The following TRHDE variants were observed in gnomAD, a reference collection of about 807,000 sequenced individuals.
TRHDE encodes thyrotropin releasing hormone degrading enzyme.
TRHDE carries 72 observed loss-of-function variants against 125.7 expected under a neutral mutation model. The ratio of observed to expected loss-of-function variants is 0.57; its 90% CI spans 0.47 to 0.70. The LOEUF (loss-of-function observed/expected upper bound fraction) is 0.70, where lower values mean the gene tolerates loss of function less well. TRHDE is among the 30% of genes least tolerant of loss of function. The probability of loss-of-function intolerance (pLI) is 0.00; values close to 1 mark genes in which losing one functional copy is unlikely to be tolerated. For synonymous variants in TRHDE, 509 were observed against 509.1 expected (o/e 1.00, Z 0.00); for missense variants, 1,110 against 1,327.1 (o/e 0.84, Z 2.54).
intron 5 of TRHDE, among the ~76,000 whole-genome samples, chr12:72,492,175 T>C (rs1391101875): frequency 6.6e-6 from 1 of 151,986 alleles, no homozygotes; most frequent in Non-Finnish European, 1.5e-5. Context: ...TTTTGAAATG[T>C]TAATTTTTAA....
chr12:72,155,842 G>T (rs144367617), intron 2 of TRHDE, among the ~76,000 whole-genome samples: 274 of 152,320 alleles, frequency 1.8e-3, no homozygotes, highest in African/African-American at 6.0e-3. Context: ...TGGGGTCAGG[G>T]ACCCACTTGA....
intron 2 of TRHDE, among the ~76,000 whole-genome samples, chr12:72,339,647 A>T (rs1310547427): frequency 6.6e-6 from 1 of 152,096 alleles, no homozygotes; most frequent in East Asian, 1.9e-4. Context: ...AGACATAATT[A>T]TTTATTGGTT....
At chr12:72,217,478 C>A (rs772488910) in intron 2 of TRHDE, among the ~76,000 whole-genome samples, 1 of 152,098 alleles carries the variant, frequency 6.6e-6, no homozygotes, top group African/African-American at 2.4e-5. Context: ...TCTGACAGCA[C>A]GTGAGAGTTC....
At chr12:72,380,873 C>T (rs1475648403) in intron 3 of TRHDE, among the ~76,000 whole-genome samples, 1 of 146,826 alleles carries the variant, frequency 6.8e-6, no homozygotes, top group African/African-American at 2.5e-5. Flanking sequence ...CTCTCTCTCT[C>T]TCTTCTTTCT....
chr12:72,448,381 A>G (rs766801430), intron 3 of TRHDE, among the ~76,000 whole-genome samples: 1 of 152,136 alleles, frequency 6.6e-6, no homozygotes. Flanking sequence ...AAACAAAACC[A>G]CTATAAATTC....
At chr12:72,539,277 C>T (rs1208078999) in intron 6 of TRHDE, among the ~76,000 whole-genome samples, 1 of 151,888 alleles carries the variant, frequency 6.6e-6, no homozygotes, top group African/African-American at 2.4e-5. Context: ...AAGACAGAGA[C>T]TTGTGTCATT....
Position 72,665,576 on chromosome 12 carries a change from A to G in TRHDE, c.*2381A>G, listed in dbSNP as rs1407477594. ...AAATAAGTAATATTTTCAAAAGAAT[A>G]AAATAACCAATGATATCTCTTGGAA... On this transcript the variant is annotated 3_prime_UTR_variant, in exon 19 of 19. Coordinates refer to ENST00000261180, the MANE Select transcript of TRHDE (RefSeq NM_013381.3). 6.6e-6 allele frequency: 1 copy of G among 152,248 alleles called. No homozygotes were observed. The highest frequency in any genetic ancestry group is 1.9e-4 in the East Asian group (1 of 5,186). The allele number at this position is 152,248 out of a possible 1,614,324, so 9.4% of individuals were successfully genotyped here.
chr12:72,438,117 T>C (rs1447042677), intron 3 of TRHDE, among the ~76,000 whole-genome samples: 1 of 151,902 alleles, frequency 6.6e-6, no homozygotes, highest in African/African-American at 2.4e-5. Flanking sequence ...TTTTCTTCTT[T>C]TATACGGCCG....
intron 2 of TRHDE, among the ~76,000 whole-genome samples, chr12:72,241,384 T>C (rs997086955): frequency 2.6e-5 from 4 of 152,222 alleles, no homozygotes; most frequent in African/African-American, 9.6e-5. Context: ...GTGGGTGTCA[T>C]GTAAATGGAA....
At chr12:72,468,736 G>C (rs1876503201) in intron 3 of TRHDE, among the ~76,000 whole-genome samples, 1 of 152,214 alleles carries the variant, frequency 6.6e-6, no homozygotes, top group South Asian at 2.1e-4. Context: ...GGCTTTGGAA[G>C]GATCTGCCAG....
chr12:72,312,398 A>G (rs536697795), intron 2 of TRHDE, among the ~76,000 whole-genome samples: 344 of 152,346 alleles, frequency 2.3e-3, no homozygotes, highest in Middle Eastern at 6.8e-3. Context: ...ACAACTTATA[A>G]TAAATATGAT....
At chr12:72,594,324 G>A (rs1871827324) in intron 12 of TRHDE, among the ~76,000 whole-genome samples, 1 of 151,882 alleles carries the variant, frequency 6.6e-6, no homozygotes, top group Non-Finnish European at 1.5e-5. Flanking sequence ...TTTGAGAAGT[G>A]TCTTCATATC....
At chr12:72,233,828 C>A (rs975386609) in intron 2 of TRHDE, among the ~76,000 whole-genome samples, 5 of 152,108 alleles carry the variant, frequency 3.3e-5, no homozygotes, top group Non-Finnish European at 1.5e-5. Flanking sequence ...CAAGATTCCA[C>A]TTTTTTCCCA....
intron 2 of TRHDE, among the ~76,000 whole-genome samples, chr12:72,325,814 G>T (rs1051093771): frequency 2.0e-5 from 3 of 151,822 alleles, no homozygotes; most frequent in African/African-American, 4.8e-5. Flanking sequence ...TAGGTTTGGG[G>T]TTTTTTTTGC....
chr12:72,135,460 A>G (rs1875962864), intron 2 of TRHDE, among the ~76,000 whole-genome samples: 1 of 152,192 alleles, frequency 6.6e-6, no homozygotes, highest in Non-Finnish European at 1.5e-5. Context: ...ACATGGGACA[A>G]AGCTCAGCAG....
At chr12:72,545,038 T>C (rs1264230109) in intron 7 of TRHDE, among the ~76,000 whole-genome samples, 1 of 151,538 alleles carries the variant, frequency 6.6e-6, no homozygotes, top group Admixed American at 6.6e-5. Context: ...AGGAGAACAA[T>C]TTCTTACTGA....
chr12:72,190,714 C>T (rs945505378), intron 2 of TRHDE, among the ~76,000 whole-genome samples: 9 of 152,294 alleles, frequency 5.9e-5, no homozygotes, highest in Admixed American at 5.9e-4. Context: ...CTATAGATGC[C>T]ATTATATCTT....
chr12:72,527,999 A>G (rs946352656), intron 6 of TRHDE, among the ~76,000 whole-genome samples: 28 of 152,158 alleles, frequency 1.8e-4, no homozygotes, highest in Non-Finnish European at 3.7e-4. Context: ...ATCTGACACT[A>G]AAACTTTATA....
chr12:72,098,534 T>C (rs897697728), intron 1 of TRHDE, among the ~76,000 whole-genome samples: 4 of 152,236 alleles, frequency 2.6e-5, no homozygotes, highest in Non-Finnish European at 5.9e-5. Flanking sequence ...TCTTTTGTTT[T>C]ATTTCTTTAA....
Sources: allele counts gnomAD v4.1 joint callset (sites outside exome capture counted in the v4.1 genomes callset), GRCh38; gene constraint gnomAD v4.1.1; transcripts MANE v1.5; gene names NCBI Gene and HGNC (gene_info 2026-07-23, HGNC 2026-07-21).